Variants in OR11G2 observed in about 807,000 individuals in gnomAD.
OR11G2 encodes the protein olfactory receptor family 11 subfamily G member 2, also known as olfactory receptor 11G2.
A neutral mutation model predicts 0.9 loss-of-function variants in OR11G2; 2 were observed. That is an observed-to-expected ratio of 2.35 (90% CI 0.96 to 7.38). OR11G2 has a LOEUF of 7.38. Among genes scored for constraint, OR11G2 ranks in the 30% most tolerant of loss-of-function variants. The pLI is 0.05. For missense variants in OR11G2, 395 were observed against 371.3 expected (o/e 1.06, Z -0.52); for synonymous variants, 153 against 142.0 (o/e 1.08, Z -0.55).
Position 20,198,385 on chromosome 14 carries a change from A to G in OR11G2, c.*12A>G. 3.3e-6 allele frequency: 5 copies of G among 1,524,270 alleles called. No individual in the cohort carries two copies. The highest frequency in any genetic ancestry group is 4.4e-6 in the Non-Finnish European group (5 of 1,134,596). The allele number at this position is 1,524,270 out of a possible 1,614,324, so 94.4% of individuals were successfully genotyped here. On this transcript the variant is annotated 3_prime_UTR_variant, in exon 2 of 2. Transcript: ENST00000641879. ...TTTGGGGAACATAAAATGTTAATCAAAAAGGTCCTTGCGTAATTAATCTTG... is the reference window on the plus strand; with the variant it reads ...TTTGGGGAACATAAAATGTTAATCAGAAAGGTCCTTGCGTAATTAATCTTG...
chr14:20,198,393 C>T lies in OR11G2; in HGVS notation c.*20C>T. 4.0e-6 allele frequency: 6 copies of T among 1,497,166 alleles called. No homozygotes were observed. The highest frequency in any genetic ancestry group is 5.4e-6 in the Non-Finnish European group (6 of 1,113,300). The allele number at this position is 1,497,166 out of a possible 1,614,324, so 92.7% of individuals were successfully genotyped here. A position where few individuals can be genotyped will look rare whatever the true frequency, so the allele number is the denominator to read the frequency against. ...ACATAAAATGTTAATCAAAAAGGTCCTTGCGTAATTAATCTTGTCTTTAAT... is the reference window on the plus strand; with the variant it reads ...ACATAAAATGTTAATCAAAAAGGTCTTTGCGTAATTAATCTTGTCTTTAAT... On this transcript the variant is annotated 3_prime_UTR_variant, in exon 2 of 2. Transcript: ENST00000641879.
intron 1 of OR11G2, 27 bp from the exon 2 acceptor site, chr14:20,197,407 A>C (rs1377049091): frequency 6.2e-7 from 1 of 1,611,712 alleles, no homozygotes; most frequent in Non-Finnish European, 8.5e-7. Context: ...GTCATTCAGT[A>C]ATTGCTGGTG....
At chr14:20,197,294 A>C in intron 1 of OR11G2, 140 bp from the exon 2 acceptor site, 2 of 1,095,046 alleles carry the variant, frequency 1.8e-6, no homozygotes, top group Non-Finnish European at 2.6e-6. Context: ...ACATATCTGC[A>C]TTCTGTTTTT....
intron 1 of OR11G2, among the ~76,000 whole-genome samples, chr14:20,194,209 T>C (rs1468152470): frequency 6.6e-6 from 1 of 152,186 alleles, no homozygotes; most frequent in Non-Finnish European, 1.5e-5. Context: ...AAGGAACTGG[T>C]CTGATTTTCT....
chr14:20,194,124 A>T (rs1879707064), intron 1 of OR11G2, among the ~76,000 whole-genome samples: 1 of 152,198 alleles, frequency 6.6e-6, no homozygotes, highest in African/African-American at 2.4e-5. Context: ...GAAGGGTCAA[A>T]CCAAAGATTA....
chr14:20,196,968 A>G (rs1879764974), intron 1 of OR11G2, among the ~76,000 whole-genome samples: 1 of 152,260 alleles, frequency 6.6e-6, no homozygotes, highest in Non-Finnish European at 1.5e-5. Flanking sequence ...TTATGGTCTC[A>G]TATTACATGG....
At chr14:20,195,219 A>T (rs1449872937) in intron 1 of OR11G2, among the ~76,000 whole-genome samples, 1 of 152,138 alleles carries the variant, frequency 6.6e-6, no homozygotes, top group African/African-American at 2.4e-5. Flanking sequence ...GGGAATCCTG[A>T]GTTACAAATG....
At chr14:20,192,384 A>G (rs1362596358) in intron 1 of OR11G2, among the ~76,000 whole-genome samples, 1 of 152,264 alleles carries the variant, frequency 6.6e-6, no homozygotes, top group African/African-American at 2.4e-5. Context: ...AAAGACTACT[A>G]GAACCCCTCC....
At chr14:20,196,588 C>T (rs1283886502) in intron 1 of OR11G2, among the ~76,000 whole-genome samples, 2 of 152,246 alleles carry the variant, frequency 1.3e-5, no homozygotes, top group Non-Finnish European at 2.9e-5. Flanking sequence ...AGATGGACCA[C>T]AGCTTTAGTC....
rs1240533964 is a variant in OR11G2, at chr14:20,198,042, T to C, written c.605T>C (p.Val202Ala). ...AAAAAAGGCCCTGTGATAGAGCTTGTCTTTTCTGTCTTAAGTCCTCTGCCT... is the reference window on the plus strand; with the variant it reads ...AAAAAAGGCCCTGTGATAGAGCTTGCCTTTTCTGTCTTAAGTCCTCTGCCT... The part of the protein sequence containing the change: ...TCKKGPVIEL[V>A]FSVLSPLPVF... Residue 202 changes from valine to alanine, a missense_variant, in exon 2 of 2, where the codon GTC (valine) becomes GCC (alanine). Coordinates refer to ENST00000641879, the MANE Select transcript of OR11G2 (RefSeq NM_001386033.1). The C allele has an allele frequency of 3.1e-6, 5 of 1,614,120 alleles. No individual in the cohort carries two copies. The highest frequency in any genetic ancestry group is 4.2e-6 in the Non-Finnish European group (5 of 1,180,018).
At chr14:20,193,415 T>C (rs190649609) in intron 1 of OR11G2, among the ~76,000 whole-genome samples, 4 of 152,300 alleles carry the variant, frequency 2.6e-5, no homozygotes. Context: ...TCTCTGTTTC[T>C]AACAAAGGTA....
rs530730647 is a variant in OR11G2, at chr14:20,190,978, C to G, written c.-693C>G. 2.0e-5 allele frequency: 3 copies of G among 152,248 alleles called. No homozygotes were observed. The highest frequency in any genetic ancestry group is 4.4e-5 in the Non-Finnish European group (3 of 68,100). The allele number at this position is 152,248 out of a possible 1,614,324, so 9.4% of individuals were successfully genotyped here. A position where few individuals can be genotyped will look rare whatever the true frequency, so the allele number is the denominator to read the frequency against. ...TTTCTGCTCCTTCATTCTTTGATGG[C>G]TAACATAGAAAAGGCTACCTCTCCT... On this transcript the variant is annotated 5_prime_UTR_variant, in exon 1 of 2. Coordinates refer to ENST00000641879, the MANE Select transcript of OR11G2 (RefSeq NM_001386033.1).
chr14:20,196,684 C>A (rs8003939), intron 1 of OR11G2, among the ~76,000 whole-genome samples: 16,962 of 152,186 alleles, frequency 0.11, 1,184 homozygotes, highest in African/African-American at 0.2. Flanking sequence ...AGAATTATAT[C>A]TTTAACTATA....
chr14:20,198,423 G>A lies in OR11G2; in HGVS notation c.*50G>A. 1 of 1,396,426 alleles carries A rather than the reference G, an allele frequency of 7.2e-7. No individual in the cohort carries two copies. Among genetic ancestry groups the A allele is most frequent in the African/African-American group, 1.5e-5 (1 of 68,718 alleles). 86.5% of individuals were successfully genotyped at this position (1,396,426 alleles called of 1,614,324 possible). A position where few individuals can be genotyped will look rare whatever the true frequency, so the allele number is the denominator to read the frequency against. ...GTAATTAATCTTGTCTTTAATTTTGGGGTTTAAAAAAAAAACTGGTCTTGG... is the reference window on the plus strand; with the variant it reads ...GTAATTAATCTTGTCTTTAATTTTGAGGTTTAAAAAAAAAACTGGTCTTGG... On this transcript the variant is annotated 3_prime_UTR_variant, in exon 2 of 2. Transcript: ENST00000641879.
rs1879783245 is a variant in OR11G2, at chr14:20,197,624, A to T, written c.187A>T (p.Met63Leu). The change falls in exon 2 of 2, where the codon ATG becomes TTG. Residue 63 changes from methionine (M) to leucine (L), a missense_variant. Physicochemically the swap from Met to Leu is conservative, Grantham distance 15 (BLOSUM62 2). Coordinates refer to ENST00000641879, the MANE Select transcript of OR11G2 (RefSeq NM_001386033.1). The stretch of plus-strand genomic sequence containing the variant: ...CTGGGATCAGAGACTCCACGCCCCC[A>T]TGTACATCCTGCTCGCCAACTTCTC... ...VHWDQRLHAP[M>L]YILLANFSFL... is the part of the protein sequence containing the mutation. The T allele has an allele frequency of 6.2e-7, 1 of 1,614,132 alleles. No homozygotes were observed. Among genetic ancestry groups the T allele is most frequent in the African/African-American group, 1.3e-5 (1 of 75,040 alleles).
chr14:20,199,289 G>A lies in OR11G2; in HGVS notation c.*916G>A, dbSNP rs1879852333. On this transcript the variant is annotated 3_prime_UTR_variant, in exon 2 of 2. Transcript: ENST00000641879. ...TCCAAAAATGCCTTGAAGGGGAATT[G>A]CATCATATTTTTAGCCTAGCTTCTG... The A allele has an allele frequency of 6.6e-6, 1 of 152,212 alleles. No homozygotes were observed. 9.4% of individuals were successfully genotyped at this position (152,212 alleles called of 1,614,324 possible).
In OR11G2 at chr14:20,197,896, G is replaced by T; in HGVS notation, c.459G>T (p.Trp153Cys). ...RLCTNLVVNC[W>C]VLGFIWFLIP... is the part of the protein sequence containing the mutation. Reference sequence around the variant, plus strand: ...GTACCAATCTTGTGGTCAATTGCTGGGTACTTGGTTTCATCTGGTTCTTGA... The same window carrying T: ...GTACCAATCTTGTGGTCAATTGCTGTGTACTTGGTTTCATCTGGTTCTTGA... The change falls in exon 2 of 2, where the codon TGG becomes TGT. Residue 153 changes from tryptophan (W) to cysteine (C), a missense_variant. Trp to Cys is a radical substitution (Grantham distance 215, BLOSUM62 -2). Coordinates refer to ENST00000641879, the MANE Select transcript of OR11G2 (RefSeq NM_001386033.1). 6.2e-7 allele frequency: 1 copy of T among 1,613,954 alleles called. No homozygotes were observed. The highest frequency in any genetic ancestry group is 8.5e-7 in the Non-Finnish European group (1 of 1,179,950).
rs1879871095 is a variant in OR11G2, at chr14:20,200,152, AT to A, written c.*1781del. 1.8e-5 allele frequency: 1 copy of A among 54,550 alleles called. No homozygotes were observed. Among genetic ancestry groups the A allele is most frequent in the Non-Finnish European group, 4.0e-5 (1 of 25,146 alleles). The allele number at this position is 54,550 out of a possible 1,614,324, so 3.4% of individuals were successfully genotyped here. A position where few individuals can be genotyped will look rare whatever the true frequency, so the allele number is the denominator to read the frequency against. On this transcript the variant is annotated 3_prime_UTR_variant, in exon 2 of 2. Coordinates refer to ENST00000641879, the MANE Select transcript of OR11G2 (RefSeq NM_001386033.1). ...GCAATTTGCTGAGGATAATGACTTAATTCCAAAAAAAAAAAAAAAAAAAGTT... is the reference window on the plus strand; with the variant it reads ...GCAATTTGCTGAGGATAATGACTTAATCCAAAAAAAAAAAAAAAAAAAGTT...
At chr14:20,197,254 G>T in intron 1 of OR11G2, 180 bp from the exon 2 acceptor site, 1 of 791,800 alleles carries the variant, frequency 1.3e-6, no homozygotes, top group Non-Finnish European at 2.0e-6. Context: ...AGATCAATAC[G>T]TCAGTTTAAA....
Sources: gnomAD v4.1 joint callset for allele counts (sites outside exome capture counted in the v4.1 genomes callset) on GRCh38, gnomAD v4.1.1 for gene constraint, MANE v1.5 for transcripts, NCBI Gene and HGNC (gene_info 2026-07-23, HGNC 2026-07-21) for gene names.